GAB2: variants seen among roughly 807,000 people sequenced by gnomAD.
GAB2 encodes GRB2-associated-binding protein 2.
Under a neutral mutation model 65.5 loss-of-function variants are expected in GAB2, and 26 were observed. The ratio of observed to expected loss-of-function variants is 0.40; its 90% CI spans 0.29 to 0.55. The LOEUF (loss-of-function observed/expected upper bound fraction) is 0.55. Ranked by LOEUF, GAB2 falls within the 20% of genes least tolerant of loss-of-function variation. GAB2 has a pLI of 0.53. For synonymous variants in GAB2, 321 were observed against 329.6 expected (o/e 0.97, Z 0.28); for missense variants, 884 against 875.8 (o/e 1.01, Z -0.12).
At chr11:78,360,375 C>T (rs914332971) in intron 1 of GAB2, among the ~76,000 whole-genome samples, 3 of 134,944 alleles carry the variant, frequency 2.2e-5, no homozygotes, top group Non-Finnish European at 4.7e-5. Flanking sequence ...GACAATATGA[C>T]GAAGCCCTGT....
At chr11:78,314,325 G>T (rs139323887) in intron 1 of GAB2, among the ~76,000 whole-genome samples, 1 of 152,200 alleles carries the variant, frequency 6.6e-6, no homozygotes, top group Admixed American at 6.5e-5. Context: ...CTTGCACTGC[G>T]TCCCATATGA....
At chr11:78,268,237 C>G (rs1006965863) in intron 2 of GAB2, among the ~76,000 whole-genome samples, 3 of 152,198 alleles carry the variant, frequency 2.0e-5, no homozygotes, top group African/African-American at 7.2e-5. Context: ...GGAAATCACT[C>G]CTAGTTTACT....
At chr11:78,297,005 C>T (rs999252243) in intron 1 of GAB2, among the ~76,000 whole-genome samples, 1 of 152,156 alleles carries the variant, frequency 6.6e-6, no homozygotes, top group Non-Finnish European at 1.5e-5. Context: ...CCCAAAGGCC[C>T]CACCTCCTAA....
intron 1 of GAB2, among the ~76,000 whole-genome samples, chr11:78,389,554 C>T (rs549622128): frequency 1.3e-5 from 2 of 152,290 alleles, no homozygotes; most frequent in South Asian, 4.1e-4. Context: ...GTGATCCACC[C>T]ACCTCGGCTT....
At chr11:78,223,905 ACCT>A (rs1864543693) in intron 5 of GAB2, among the ~76,000 whole-genome samples, 1 of 151,904 alleles carries the variant, frequency 6.6e-6, no homozygotes. Flanking sequence ...ACATGGCAAA[ACCT>A]CCTCTCTACT....
At chr11:78,304,584 G>T (rs1380963727) in intron 1 of GAB2, among the ~76,000 whole-genome samples, 1 of 152,150 alleles carries the variant, frequency 6.6e-6, no homozygotes, top group African/African-American at 2.4e-5. Flanking sequence ...GCTCCTTATT[G>T]CCTAGCAGTG....
intron 1 of GAB2, among the ~76,000 whole-genome samples, chr11:78,308,891 T>C (rs966328632): frequency 6.6e-6 from 1 of 152,186 alleles, no homozygotes; most frequent in African/African-American, 2.4e-5. Flanking sequence ...TATATAATTT[T>C]TGTGTGTGTA....
chr11:78,384,520 A>G (rs1856741435), intron 1 of GAB2, among the ~76,000 whole-genome samples: 1 of 152,212 alleles, frequency 6.6e-6, no homozygotes, highest in African/African-American at 2.4e-5. Flanking sequence ...GCCAAAGGGG[A>G]CCCAGAACTG....
intron 1 of GAB2, among the ~76,000 whole-genome samples, chr11:78,401,675 G>A (rs1856975438): frequency 6.6e-6 from 1 of 152,076 alleles, no homozygotes; most frequent in Non-Finnish European, 1.5e-5. Flanking sequence ...GTATATATAT[G>A]TATACCAGAT....
chr11:78,339,100 A>G (rs1255192312), intron 1 of GAB2, among the ~76,000 whole-genome samples: 1 of 151,048 alleles, frequency 6.6e-6, no homozygotes. Flanking sequence ...TTTTTTTTTT[A>G]TTTTTAGTAG....
chr11:78,417,519 T>G, intron 1 of GAB2, 127 bp downstream of exon 1: 1 of 284,166 alleles, frequency 3.5e-6, no homozygotes. Flanking sequence ...CGGCCGCTCC[T>G]CGCCCCCGGC....
At position 78,231,336 on chromosome 11, in the gene GAB2, GGT is replaced by G. The variant is rs58651538; in HGVS notation, c.621-4287_621-4286del. On this transcript the variant is annotated intron_variant, in intron 3 of 9. Transcript: ENST00000361507. ...CCTTGGTGCGCGCGCGCGCGTGTGT[GGT>G]GTGTGTGTGTGTGTGTGTGTGTGTG... Among the ~76,000 whole-genome samples the G allele has an allele frequency of 1.7e-3, 243 of 145,794 alleles. 1 individual carries two copies. The highest frequency in any genetic ancestry group is 7.2e-3 in the South Asian group (33 of 4,580).
intron 1 of GAB2, among the ~76,000 whole-genome samples, chr11:78,310,844 T>C (rs1185430308): frequency 6.6e-6 from 1 of 152,086 alleles, no homozygotes; most frequent in Non-Finnish European, 1.5e-5. Context: ...TCAGAAAGAG[T>C]ACCCTTGTGG....
At chr11:78,314,144 T>C (rs1035294493) in intron 1 of GAB2, among the ~76,000 whole-genome samples, 3 of 152,314 alleles carry the variant, frequency 2.0e-5, no homozygotes, top group Middle Eastern at 6.8e-3. Flanking sequence ...AGGCATCACA[T>C]GAGGTGCTTG....
At position 78,216,746 on chromosome 11, in the gene GAB2, G is replaced by C. The variant is rs1565411766; in HGVS notation, c.*2526C>G. ...CATGCTCACATGTTTATGGGAGGCTGCAATAGTCTGGGCCCACTTGTGGCT... is the reference window on the plus strand; with the variant it reads ...CATGCTCACATGTTTATGGGAGGCTCCAATAGTCTGGGCCCACTTGTGGCT... On this transcript the variant is annotated 3_prime_UTR_variant, in exon 10 of 10. Coordinates refer to ENST00000361507, the MANE Select transcript of GAB2 (RefSeq NM_080491.3). The C allele has an allele frequency of 6.6e-6, 1 of 152,304 alleles. No homozygotes were observed. The highest frequency in any genetic ancestry group is 1.5e-5 in the Non-Finnish European group (1 of 68,108). 9.4% of individuals were successfully genotyped at this position (152,304 alleles called of 1,614,324 possible). A position where few individuals can be genotyped will look rare whatever the true frequency, so the allele number is the denominator to read the frequency against.
At chr11:78,293,521 C>T (rs1397639446) in intron 1 of GAB2, among the ~76,000 whole-genome samples, 1 of 152,070 alleles carries the variant, frequency 6.6e-6, no homozygotes, top group Non-Finnish European at 1.5e-5. Flanking sequence ...ACACAGACAC[C>T]ATAAACACAA....
chr11:78,318,369 CAAAAAAAA>C, intron 1 of GAB2: 1 of 44,840 alleles, frequency 2.2e-5, no homozygotes, highest in East Asian at 3.1e-4. Flanking sequence ...TGTTAAATGC[CAAAAAAAA>C]AAAAAAAAAG....
At chr11:78,280,428 A>T in intron 2 of GAB2, 173 bp downstream of exon 2, 1 of 634,228 alleles carries the variant, frequency 1.6e-6, no homozygotes, top group Non-Finnish European at 2.8e-6. Flanking sequence ...GTTAGAGCAT[A>T]ATTAGGGCCA....
intron 3 of GAB2, among the ~76,000 whole-genome samples, chr11:78,244,981 C>A (rs886379332): frequency 6.6e-6 from 1 of 152,184 alleles, no homozygotes; most frequent in African/African-American, 2.4e-5. Context: ...GAGCTATTTG[C>A]ACCCCTATGT....
Sources: gnomAD v4.1 joint callset for allele counts (sites outside exome capture counted in the v4.1 genomes callset) on GRCh38, gnomAD v4.1.1 for gene constraint, MANE v1.5 for transcripts, NCBI Gene and HGNC (gene_info 2026-07-23, HGNC 2026-07-21) for gene names.